The following BEAN1 variants were observed in gnomAD, a reference collection of about 807,000 sequenced individuals.
The protein encoded by BEAN1 is protein BEAN1.
In BEAN1, 17 loss-of-function variants were observed where a neutral mutation model predicts 17.7. The ratio of observed to expected loss-of-function variants is 0.96; its 90% confidence interval spans 0.66 to 1.44. BEAN1 has a LOEUF of 1.44. Among genes scored for constraint, BEAN1 ranks in the 40% most tolerant of loss-of-function variants. The probability of loss-of-function intolerance (pLI) is 0.00; values close to 1 mark genes in which losing one functional copy is unlikely to be tolerated. For synonymous variants in BEAN1, 142 were observed against 151.8 expected, an observed-to-expected ratio of 0.94 and a Z score of 0.47; for missense variants, 359 against 374.1, an observed-to-expected ratio of 0.96 and a Z score of 0.33.
downstream of BEAN1, among the ~76,000 whole-genome samples, chr16:66,494,037 C>T (rs1964214646): frequency 6.6e-6 from 1 of 152,182 alleles, no homozygotes; most frequent in South Asian, 2.1e-4. Context: ...CCAGCACCCA[C>T]TATACCCCCA....
At chr16:66,453,136 T>C (rs1287794941) in intron 2 of BEAN1, among the ~76,000 whole-genome samples, 1 of 152,196 alleles carries the variant, frequency 6.6e-6, no homozygotes, top group Non-Finnish European at 1.5e-5. Context: ...ATCTTTATTA[T>C]TTCCTTCCTC....
Position 66,427,588 on chromosome 16 carries a change from G to C in BEAN1, c.-83+157G>C, listed in dbSNP as rs1309441169. Among the ~76,000 whole-genome samples the C allele has an allele frequency of 7.9e-5, 12 of 151,934 alleles. No homozygotes were observed. The East Asian group carries it at 2.2e-3, about 27-fold the overall frequency. On this transcript the variant is annotated intron_variant, in intron 1 of 4. Transcript: ENST00000536005. This position sits in a 1 kb window ranked among gnomAD's most constrained non-coding sequence, Gnocchi z 4.7. ...GGCGGGCGGATGCGCGGTCCGGAAC[G>C]GAACCGCAGCGCGCTCGGAACGGAG... is the stretch of plus-strand genomic sequence containing the variant.
At position 66,482,744 on chromosome 16, in the gene BEAN1, A is replaced by T. The variant is rs1452972214; in HGVS notation, c.*1819A>T. ...GCTGAATAGCTTTTCTTGTTCCTGG[A>T]CTAGGCAATGAATAAGCAACAATGT... is the stretch of plus-strand genomic sequence containing the variant. On this transcript the variant is annotated 3_prime_UTR_variant, in exon 5 of 5. Coordinates refer to ENST00000536005, the MANE Select transcript of BEAN1 (RefSeq NM_001178020.3). 2.5e-6 allele frequency: 1 copy of T among 401,934 alleles called. No individual in the cohort carries two copies. Among genetic ancestry groups the T allele is most frequent in the Non-Finnish European group, 4.9e-6 (1 of 205,794 alleles). 24.9% of individuals were successfully genotyped at this position (401,934 alleles called of 1,614,324 possible).
intron 2 of BEAN1, among the ~76,000 whole-genome samples, chr16:66,442,970 ACC>A (rs1962315449): frequency 6.6e-6 from 1 of 152,184 alleles, no homozygotes; most frequent in Admixed American, 6.5e-5. Flanking sequence ...AGACCTAGCT[ACC>A]AATAGAAGAA....
In BEAN1 at chr16:66,427,352, G is replaced by GC. The variant is rs1961615753; in HGVS notation, c.-160dup. On this transcript the variant is annotated 5_prime_UTR_variant, in exon 1 of 5. Coordinates refer to ENST00000536005, the MANE Select transcript of BEAN1 (RefSeq NM_001178020.3). The surrounding 1 kb of genome is among the most constrained non-coding windows in gnomAD (Gnocchi z 4.7). ...AGCGGGAACCGGACTGGGAGCCGGA[G>GC]CCGGGGCGGGAACCGGAGCTGGAGC... 1 of 151,926 alleles carries GC rather than the reference G, an allele frequency of 6.6e-6. No homozygotes were observed. Among genetic ancestry groups the GC allele is most frequent in the Non-Finnish European group, 1.5e-5 (1 of 68,316 alleles). 9.4% of individuals were successfully genotyped at this position (151,926 alleles called of 1,614,324 possible). A position where few individuals can be genotyped will look rare whatever the true frequency, so the allele number is the denominator to read the frequency against.
intron 2 of BEAN1, among the ~76,000 whole-genome samples, chr16:66,458,502 G>A (rs143460404): frequency 9.9e-4 from 150 of 152,170 alleles, no homozygotes; most frequent in African/African-American, 3.4e-3. Context: ...GAGGGCAAGC[G>A]GCATGCCGAA....
At position 66,434,541 on chromosome 16, in the gene BEAN1, A is replaced by T. The variant is rs1479443805; in HGVS notation, c.-82-3054A>T. 6.6e-6 allele frequency among the ~76,000 whole-genome samples: 1 copy of T among 152,092 alleles called. No individual in the cohort carries two copies. The highest frequency in any genetic ancestry group is 2.4e-5 in the African/African-American group (1 of 41,418). On this transcript the variant is annotated intron_variant, in intron 1 of 4. Coordinates refer to ENST00000536005, the MANE Select transcript of BEAN1 (RefSeq NM_001178020.3). The surrounding 1 kb of genome is among the most constrained non-coding windows in gnomAD (Gnocchi z 4.3). ...TTTTAGGACCCCCCAAAGTCCCTCCATGTGTTTTCCAAGGGTTTTGTGGGA... is the reference window on the plus strand; with the variant it reads ...TTTTAGGACCCCCCAAAGTCCCTCCTTGTGTTTTCCAAGGGTTTTGTGGGA...
Position 66,469,776 on chromosome 16 carries a change from T to C in BEAN1, c.200T>C (p.Leu67Pro). The change falls in exon 3 of 5, where the codon CTT (leucine) becomes CCT (proline). Residue 67 changes from leucine (L) to proline (P), a missense_variant. By Grantham distance (98) the Leu-to-Pro change is moderately conservative (BLOSUM62 -3). Coordinates refer to ENST00000536005, the MANE Select transcript of BEAN1 (RefSeq NM_001178020.3). ...ATCCGCAGGGACAGGCAGGCCCGGC[T>C]TCAGCGGCACCGCCACCGCCACCAC... ...GSIRRDRQAR[L>P]QRHRHRHHRH... 2.0e-6 allele frequency: 3 copies of C among 1,535,788 alleles called. No individual in the cohort carries two copies. In the South Asian group the frequency reaches 3.6e-5, roughly 18 times the overall value.
chr16:66,470,170 CGATGGATGGATG>C (rs71376799), intron 3 of BEAN1: 25,410 of 344,926 alleles, frequency 0.074, 1,333 homozygotes, highest in East Asian at 0.19. Flanking sequence ...TCTGGTGTCT[CGATGGATGGATG>C]GATGGATGGA....
rs1290420240 is a variant in BEAN1, at chr16:66,471,754, C to T, written c.289+1889C>T. On this transcript the variant is annotated intron_variant, in intron 3 of 4. Coordinates refer to ENST00000536005, the MANE Select transcript of BEAN1 (RefSeq NM_001178020.3). This position sits in a 1 kb window ranked among gnomAD's most constrained non-coding sequence, Gnocchi z 4.7. ...TAAAACAGATGTGGAAAGCTCAGCC[C>T]ACCCAGTCTCTGCAAGTCTCCCCAG... is the stretch of plus-strand genomic sequence containing the variant. Among the ~76,000 whole-genome samples, 1 of 152,182 alleles carries T rather than the reference C, an allele frequency of 6.6e-6. No homozygotes were observed. The highest frequency in any genetic ancestry group is 1.5e-5 in the Non-Finnish European group (1 of 68,028).
At chr16:66,445,475 C>CAA (rs61540693) in intron 2 of BEAN1, among the ~76,000 whole-genome samples, 1 of 49,326 alleles carries the variant, frequency 2.0e-5, no homozygotes, top group Non-Finnish European at 3.5e-5. Flanking sequence ...GACTCCGTCT[C>CAA]AAAAAAAAAA....
chr16:66,443,782 C>T (rs1962343839), intron 2 of BEAN1, among the ~76,000 whole-genome samples: 1 of 152,174 alleles, frequency 6.6e-6, no homozygotes, highest in Non-Finnish European at 1.5e-5. Flanking sequence ...TCAAGTGATT[C>T]TCCTGCCTCA....
intron 2 of BEAN1, among the ~76,000 whole-genome samples, chr16:66,452,671 A>G (rs9934752): frequency 0.1 from 15,241 of 152,216 alleles, 998 homozygotes; most frequent in East Asian, 0.22. Context: ...GGAAATTTCT[A>G]GACGCTTTTT....
intron 4 of BEAN1, among the ~76,000 whole-genome samples, chr16:66,487,961 A>C (rs7194560): frequency 0.066 from 10,067 of 152,258 alleles, 1,132 homozygotes; most frequent in African/African-American, 0.23. Context: ...ATTAACACCA[A>C]ATCCAACTGT....
chr16:66,445,545 G>A (rs752504375), intron 2 of BEAN1, among the ~76,000 whole-genome samples: 1 of 145,378 alleles, frequency 6.9e-6, no homozygotes, highest in Non-Finnish European at 1.5e-5. Flanking sequence ...CAGGGCATAG[G>A]CTCACCAAGA....
At chr16:66,490,512 T>C (rs1285146352) in intron 4 of BEAN1, among the ~76,000 whole-genome samples, 2 of 151,286 alleles carry the variant, frequency 1.3e-5, no homozygotes, top group African/African-American at 2.4e-5. Flanking sequence ...ACTTTTCAAT[T>C]TACAAAAACA....
chr16:66,483,304 CTT>C (rs766584099), downstream of BEAN1: 102 of 149,264 alleles, frequency 6.8e-4, no homozygotes, highest in South Asian at 2.5e-3. Flanking sequence ...ACAGGAGTTG[CTT>C]TTTTTTTTTT....
downstream of BEAN1, chr16:66,483,678 C>T (rs1172664068): frequency 6.6e-6 from 1 of 152,220 alleles, no homozygotes; most frequent in Non-Finnish European, 1.5e-5. Flanking sequence ...TCCTAGATGC[C>T]CCCAAGTGCC....
intron 4 of BEAN1, among the ~76,000 whole-genome samples, chr16:66,487,913 G>T (rs539093837): frequency 4.6e-5 from 7 of 152,254 alleles, no homozygotes; most frequent in African/African-American, 1.4e-4. Context: ...CACGAAATCA[G>T]TCACTCCCCC....
Sources: allele counts gnomAD v4.1 joint callset (sites outside exome capture counted in the v4.1 genomes callset), GRCh38; gene constraint gnomAD v4.1.1; non-coding constraint Gnocchi (gnomAD v3.1); transcripts MANE v1.5; gene names NCBI Gene and HGNC (gene_info 2026-07-23, HGNC 2026-07-21).